Variants in ERCC5 observed in about 807,000 individuals in gnomAD.
ERCC5 encodes DNA excision repair protein ERCC-5.
In ERCC5, 68 loss-of-function variants were observed where a neutral mutation model predicts 105.6. That is an observed-to-expected ratio of 0.64 (90% CI 0.53 to 0.79). The LOEUF is 0.79. Among genes scored for constraint, ERCC5 ranks in the 30% least tolerant of loss-of-function variants. ERCC5 has a pLI of 0.00. For synonymous variants in ERCC5, 546 were observed against 526.2 expected, an observed-to-expected ratio of 1.04 and a Z score of -0.51; for missense variants, 1,373 against 1,426.7, an observed-to-expected ratio of 0.96 and a Z score of 0.61.
chr13:102,856,576 C>A (rs1882428649), intron 5 of ERCC5, among the ~76,000 whole-genome samples: 1 of 152,164 alleles, frequency 6.6e-6, no homozygotes, highest in Non-Finnish European at 1.5e-5. Flanking sequence ...TTCTAGTTAT[C>A]TGTCGCTGTG....
intron 12 of ERCC5, among the ~76,000 whole-genome samples, chr13:102,869,345 C>A (rs1882953828): frequency 6.6e-6 from 1 of 151,998 alleles, no homozygotes; most frequent in Admixed American, 6.6e-5. Flanking sequence ...AACTTGAAAA[C>A]CTACAAATAA....
rs751961622 is a variant in ERCC5, at chr13:102,875,307, A to G, written c.2965A>G (p.Thr989Ala). The change falls in exon 15 of 15, where the codon ACA becomes GCA. Residue 989 changes from threonine (T) to alanine (A), a missense_variant and splice_region_variant. Physicochemically the swap from Thr to Ala is moderately conservative, Grantham distance 58. Around this residue, in one of 3 missense-constraint regions of ERCC5, gnomAD observed 367 missense variants for 350.2 expected, o/e 1.05. Transcript: ENST00000652225. ...PVLKQLDAQQ[T>A]QLRIDSFFRL... ...TATTATTCTTTTGTTATTTTTTTAG[A>G]CACAGCTCCGAATTGATTCCTTCTT... 6 of 1,613,484 alleles carry G rather than the reference A, an allele frequency of 3.7e-6. No individual in the cohort carries two copies. The highest frequency in any genetic ancestry group is 5.1e-6 in the Non-Finnish European group (6 of 1,179,852).
At position 102,846,305 on chromosome 13, in the gene ERCC5, C is replaced by G; in HGVS notation, c.39C>G (p.Ser13=). ...GGCTCTGGAAGCTGCTGGAGTGCTC[C>G]GGGCGGCAGGTCAGCCCCGAAGCGC... is the stretch of plus-strand genomic sequence containing the variant. ...VQGLWKLLEC[S]GRQVSPEALE... The change falls in exon 1 of 15, where the codon TCC becomes TCG. Residue 13 remains serine, a synonymous_variant. Coordinates refer to ENST00000652225, the MANE Select transcript of ERCC5 (RefSeq NM_000123.4). 1 of 1,613,992 alleles carries G rather than the reference C, an allele frequency of 6.2e-7. No homozygotes were observed. The highest frequency in any genetic ancestry group is 8.5e-7 in the Non-Finnish European group (1 of 1,179,994).
intron 12 of ERCC5, among the ~76,000 whole-genome samples, chr13:102,868,834 G>A (rs1461395653): frequency 5.3e-5 from 8 of 152,174 alleles, no homozygotes; most frequent in Non-Finnish European, 7.3e-5. Context: ...TGCTATACTC[G>A]GGGTACATTT....
rs1280129373 is a variant in ERCC5 at position 102,861,689 on chromosome 13, C to T, written c.855C>T (p.Asp285=). The T allele has an allele frequency of 1.9e-6, 3 of 1,614,112 alleles. No homozygotes were observed. The highest frequency in any genetic ancestry group is 2.5e-6 in the Non-Finnish European group (3 of 1,180,004). Residue 285 remains aspartate, a synonymous_variant, in exon 7 of 15, where the codon GAC becomes GAT. Coordinates refer to ENST00000652225, the MANE Select transcript of ERCC5 (RefSeq NM_000123.4). The stretch of plus-strand genomic sequence containing the variant: ...AGTCAAGGAGAGTGGTCTCTGAAGA[C>T]ACTTCACATTACATCTTGATAAAAG... The part of the protein sequence containing the change: ...EVESRRVVSE[D]TSHYILIKGI...
Position 102,862,611 on chromosome 13 carries a change from A to G in ERCC5, c.1462A>G (p.Ile488Val). 5 of 1,614,128 alleles carry G rather than the reference A, an allele frequency of 3.1e-6. No homozygotes were observed. Among genetic ancestry groups the G allele is most frequent in the Non-Finnish European group, 4.2e-6 (5 of 1,180,028 alleles). ...LVHVGTEAFP[I>V]SDESMIKDRK... Reference sequence around the variant, plus strand: ...TCACGTGGGGACTGAAGCCTTTCCGATAAGTGATGAGTCTATGATTAAGGA... The same window carrying G: ...TCACGTGGGGACTGAAGCCTTTCCGGTAAGTGATGAGTCTATGATTAAGGA... Residue 488 changes from isoleucine to valine, a missense_variant, in exon 8 of 15, where the codon ATA (isoleucine) becomes GTA (valine). Around this residue, in one of 3 missense-constraint regions of ERCC5, gnomAD observed 1,004 missense variants for 1,059.7 expected, o/e 0.95. Transcript: ENST00000652225.
chr13:102,863,094 G>C lies in ERCC5; in HGVS notation c.1945G>C (p.Glu649Gln). 2 of 1,613,504 alleles carry C rather than the reference G, an allele frequency of 1.2e-6. No homozygotes were observed. Among genetic ancestry groups the C allele is most frequent in the Admixed American group, 1.7e-5 (1 of 60,026 alleles). Residue 649 changes from glutamate to glutamine, a missense_variant, in exon 8 of 15, where the codon GAA (glutamate) becomes CAA (glutamine). By Grantham distance (29) the Glu-to-Gln change is conservative. Coordinates refer to ENST00000652225, the MANE Select transcript of ERCC5 (RefSeq NM_000123.4). ...AATGGAAATTGACTCGGAAGAAAGT[G>C]AATCTGATGGTACGTGTCTGTGCTT... ...EPMEIDSEESESDGSFIEVQS... is the reference protein window; with the variant it reads ...EPMEIDSEESQSDGSFIEVQS...
Position 102,865,900 on chromosome 13 carries a change from G to C in ERCC5, c.2188G>C (p.Asp730His). ...DAEDSLHEWQDINLEELETLE... is the reference protein window; with the variant it reads ...DAEDSLHEWQHINLEELETLE... ...GGAAGATTCGCTCCATGAATGGCAA[G>C]ATATTAATTTGGTAATACCGTAACA... The change falls in exon 9 of 15, where the codon GAT becomes CAT. Residue 730 changes from aspartate (D) to histidine (H), a missense_variant. By Grantham distance (81) the Asp-to-His change is moderately conservative (BLOSUM62 -1). Transcript: ENST00000652225. The surrounding 1 kb of genome is among the most constrained non-coding windows in gnomAD (Gnocchi z 4.0). The C allele has an allele frequency of 6.2e-7, 1 of 1,614,196 alleles. No individual in the cohort carries two copies. Among genetic ancestry groups the C allele is most frequent in the Non-Finnish European group, 8.5e-7 (1 of 1,180,044 alleles).
At chr13:102,856,151 A>G in intron 5 of ERCC5, 39 bp downstream of exon 5, 2 of 1,577,292 alleles carry the variant, frequency 1.3e-6, no homozygotes, top group Non-Finnish European at 1.7e-6. Flanking sequence ...GTATTCTGTT[A>G]TTTGAAATGA....
rs780111528 is a variant in ERCC5 at position 102,865,695 on chromosome 13, T to C, written c.1983T>C (p.Ile661=). The change falls in exon 9 of 15, where the codon ATT becomes ATC. Residue 661 remains isoleucine, a synonymous_variant. Coordinates refer to ENST00000652225, the MANE Select transcript of ERCC5 (RefSeq NM_000123.4). The surrounding 1 kb of genome is among the most constrained non-coding windows in gnomAD (Gnocchi z 4.0). ...DGSFIEVQSV[I]SDEELQAEFP... The stretch of plus-strand genomic sequence containing the variant: ...GTTTCATTGAAGTGCAAAGTGTGAT[T>C]AGTGATGAGGAACTTCAAGCAGAAT... 1.7e-5 allele frequency: 27 copies of C among 1,613,890 alleles called. No individual in the cohort carries two copies. The highest frequency in any genetic ancestry group is 1.7e-4 in the Middle Eastern group (1 of 6,036).
intron 4 of ERCC5, 80 bp downstream of exon 4, chr13:102,854,454 A>C: frequency 6.0e-6 from 8 of 1,343,900 alleles, no homozygotes; most frequent in African/African-American, 1.5e-5. Flanking sequence ...TGTTATCTAC[A>C]TGATAAGGCA....
rs188442099 is a variant in ERCC5 at position 102,866,757 on chromosome 13, G to C, written c.2445G>C (p.Leu815=). The C allele has an allele frequency of 6.2e-7, 1 of 1,614,280 alleles. No homozygotes were observed. The highest frequency in any genetic ancestry group is 2.2e-5 in the East Asian group (1 of 44,886). The change falls in exon 11 of 15, where the codon CTG becomes CTC. Residue 815 remains leucine (L), a synonymous_variant. Coordinates refer to ENST00000652225, the MANE Select transcript of ERCC5 (RefSeq NM_000123.4). The part of the protein sequence containing the change: ...GTITDDSDIW[L]FGARHVYRNF... ...TCACTGATGACAGTGATATCTGGCT[G>C]TTTGGAGCGCGGCATGTCTATAGAA...
In ERCC5 at chr13:102,861,508, A is replaced by T; in HGVS notation, c.674A>T (p.Glu225Val). Residue 225 changes from glutamate (E) to valine (V), a missense_variant and splice_region_variant, in exon 7 of 15, where the codon GAG becomes GTG. Around this residue, in one of 3 missense-constraint regions of ERCC5, gnomAD observed 1,004 missense variants for 1,059.7 expected, o/e 0.95. Transcript: ENST00000652225. ...RRTLFEAMPE[E>V]SDDFSQYQLK... ...TTTGTTTGTTTATTTTGCCTTTAGGAGTCTGATGACTTTTCACAGTACCAA... is the reference window on the plus strand; with the variant it reads ...TTTGTTTGTTTATTTTGCCTTTAGGTGTCTGATGACTTTTCACAGTACCAA... 6.2e-7 allele frequency: 1 copy of T among 1,614,080 alleles called. No homozygotes were observed. Among genetic ancestry groups the T allele is most frequent in the Non-Finnish European group, 8.5e-7 (1 of 1,179,998 alleles).
At chr13:102,874,119 T>G (rs771375607) in intron 14 of ERCC5, among the ~76,000 whole-genome samples, 3 of 152,226 alleles carry the variant, frequency 2.0e-5, no homozygotes, top group Non-Finnish European at 4.4e-5. Flanking sequence ...GCTATTTGTC[T>G]TAGTGTCTGG....
chr13:102,860,484 G>C (rs1487595944), intron 6 of ERCC5, among the ~76,000 whole-genome samples: 1 of 152,160 alleles, frequency 6.6e-6, no homozygotes, highest in East Asian at 1.9e-4. Context: ...TGACAATCAG[G>C]TTTGGTACTT....
chr13:102,871,597 T>C (rs1883035482), intron 12 of ERCC5, among the ~76,000 whole-genome samples: 1 of 127,370 alleles, frequency 7.9e-6, no homozygotes, highest in South Asian at 2.8e-4. Context: ...TATATATTTA[T>C]TTGTTTTACA....
rs551517255 is a variant in ERCC5 at position 102,848,261 on chromosome 13, C to T, written c.88+1907C>T. Among the ~76,000 whole-genome samples, 3 of 152,274 alleles carry T rather than the reference C, an allele frequency of 2.0e-5. 1 individual carries two copies. Among genetic ancestry groups the T allele is most frequent in the African/African-American group, 7.2e-5 (3 of 41,572 alleles). On this transcript the variant is annotated intron_variant, in intron 1 of 14. Transcript: ENST00000652225. Reference sequence around the variant, plus strand: ...TCGGTTTTGCTTTATTTCATTTTCACGGGAATTCAGACACCTGAAATTATT... The same window carrying T: ...TCGGTTTTGCTTTATTTCATTTTCATGGGAATTCAGACACCTGAAATTATT...
At chr13:102,854,021 T>G in intron 3 of ERCC5, 149 bp downstream of exon 3, 1 of 800,604 alleles carries the variant, frequency 1.2e-6, no homozygotes, top group South Asian at 1.7e-5. Flanking sequence ...CATTTTGACC[T>G]GGTAATTTGG....
At position 102,865,140 on chromosome 13, in the gene ERCC5, G is replaced by A. The variant is rs1308788065; in HGVS notation, c.1955-527G>A. ...TTGTCTCCTTAAACCCAGCTGGACA[G>A]GCCTTGCCAGCCCTCTCCACCTACA... On this transcript the variant is annotated intron_variant, in intron 8 of 14. Transcript: ENST00000652225. The surrounding 1 kb of genome is among the most constrained non-coding windows in gnomAD (Gnocchi z 4.0). 1 of 179,874 alleles carries A rather than the reference G, an allele frequency of 5.6e-6. No homozygotes were observed. The highest frequency in any genetic ancestry group is 2.4e-5 in the African/African-American group (1 of 41,666). 11.1% of individuals were successfully genotyped at this position (179,874 alleles called of 1,614,324 possible). A position where few individuals can be genotyped will look rare whatever the true frequency, so the allele number is the denominator to read the frequency against.
Sources: allele counts gnomAD v4.1 joint callset (sites outside exome capture counted in the v4.1 genomes callset), GRCh38; gene constraint gnomAD v4.1.1; regional missense constraint gnomAD v4.1.1; non-coding constraint Gnocchi (gnomAD v3.1); transcripts MANE v1.5; gene names NCBI Gene and HGNC (gene_info 2026-07-23, HGNC 2026-07-21).